NSD2: variants seen among roughly 807,000 people sequenced by gnomAD.
The protein encoded by NSD2 is histone-lysine N-methyltransferase NSD2.
In NSD2, 12 loss-of-function variants were observed where a neutral mutation model predicts 139.0. That is an observed-to-expected ratio of 0.09 (90% CI 0.06 to 0.14). NSD2 has a LOEUF of 0.14. Among genes scored for constraint, NSD2 ranks in the 10% least tolerant of loss-of-function variants. NSD2 has a pLI of 1.00. For missense variants in NSD2, 1,155 were observed against 1,745.0 expected (o/e 0.66, Z 6.02); for synonymous variants, 669 against 648.7 (o/e 1.03, Z -0.48).
At chr4:1,925,990 A>G (rs1720861287) in intron 5 of NSD2, among the ~76,000 whole-genome samples, 1 of 150,578 alleles carries the variant, frequency 6.6e-6, no homozygotes, top group African/African-American at 2.4e-5. Context: ...TTTTATAGGG[A>G]TGAGGTCTTG....
chr4:1,964,753 C>A (rs1725713641), intron 18 of NSD2, among the ~76,000 whole-genome samples: 1 of 152,034 alleles, frequency 6.6e-6, no homozygotes, highest in Non-Finnish European at 1.5e-5. Flanking sequence ...TTCTCTTTTT[C>A]CCCTTTTGGG....
At chr4:1,887,911 C>T (rs1004476006) in intron 1 of NSD2, among the ~76,000 whole-genome samples, 57 of 148,954 alleles carry the variant, frequency 3.8e-4, no homozygotes, top group African/African-American at 1.4e-3. Context: ...TCCTTTTTTT[C>T]TTTTTTTTTT....
rs1173566157 is a variant in NSD2 at position 1,918,580 on chromosome 4, C to T, written c.1367C>T (p.Ala456Val). The change falls in exon 5 of 22, where the codon GCA (alanine) becomes GTA (valine). Residue 456 changes from alanine to valine, a missense_variant. Coordinates refer to ENST00000508803, the MANE Select transcript of NSD2 (RefSeq NM_001042424.3). Reference sequence around the variant, plus strand: ...ATGCCACGAAGCAGGAAGGGAGATGCAGCATCCCAGTTTTTGGTCTTCTGT... The same window carrying T: ...ATGCCACGAAGCAGGAAGGGAGATGTAGCATCCCAGTTTTTGGTCTTCTGT... Reference protein sequence around the residue: ...VSMPRSRKGDAASQFLVFCQK... With the variant: ...VSMPRSRKGDVASQFLVFCQK... 6.2e-7 allele frequency: 1 copy of T among 1,613,878 alleles called. No individual in the cohort carries two copies. The highest frequency in any genetic ancestry group is 1.3e-5 in the African/African-American group (1 of 75,034).
At chr4:1,884,819 A>G (rs931489714) in intron 1 of NSD2, among the ~76,000 whole-genome samples, 2 of 151,932 alleles carry the variant, frequency 1.3e-5, no homozygotes, top group East Asian at 1.9e-4. Flanking sequence ...TTAAAATTCA[A>G]CTGCCTGGGC....
Position 1,955,621 on chromosome 4 carries a change from CTG to C in NSD2, c.2519-69_2519-68del. 2.0e-6 allele frequency: 3 copies of C among 1,501,060 alleles called. No individual in the cohort carries two copies. The East Asian group carries it at 7.3e-5, about 36-fold the overall frequency. The allele number at this position is 1,501,060 out of a possible 1,614,324, so 93.0% of individuals were successfully genotyped here. A position where few individuals can be genotyped will look rare whatever the true frequency, so the allele number is the denominator to read the frequency against. ...AAGTTAAGGCTGTAATAAGTGTAGACTGTGAAGCACTGAATCTGGGCTGAGCC... is the reference window on the plus strand; with the variant it reads ...AAGTTAAGGCTGTAATAAGTGTAGACTGAAGCACTGAATCTGGGCTGAGCC... On this transcript the variant is annotated intron_variant, in intron 13 of 21. Transcript: ENST00000508803. The surrounding 1 kb of genome is among the most constrained non-coding windows in gnomAD (Gnocchi z 4.7).
intron 2 of NSD2, 53 bp downstream of exon 2, chr4:1,901,304 GC>G: frequency 6.8e-7 from 1 of 1,467,810 alleles, no homozygotes; most frequent in Non-Finnish European, 9.1e-7. Flanking sequence ...AGTGAGCATG[GC>G]CACCCTATGA....
rs772470710 is a variant in NSD2 at position 1,961,074 on chromosome 4, G to A, written c.3295G>A (p.Glu1099Lys). The change falls in exon 18 of 22, where the codon GAG (glutamate) becomes AAG (lysine). Residue 1099 changes from glutamate (E) to lysine (K), a missense_variant. Around this residue, in one of 8 missense-constraint regions of NSD2, gnomAD observed 139 missense variants for 485.8 expected, o/e 0.29. Coordinates refer to ENST00000508803, the MANE Select transcript of NSD2 (RefSeq NM_001042424.3). Reference protein sequence around the residue: ...VNEYVGELIDEEECMARIKHA... With the variant: ...VNEYVGELIDKEECMARIKHA... ...CGAGTACGTTGGGGAGCTGATCGAC[G>A]AGGAGGAGTGCATGGCGAGAATCAA... 1 of 1,613,766 alleles carries A rather than the reference G, an allele frequency of 6.2e-7. No homozygotes were observed. The highest frequency in any genetic ancestry group is 8.5e-7 in the Non-Finnish European group (1 of 1,179,708).
chr4:1,957,041 G>GA (rs1273947501), intron 15 of NSD2, among the ~76,000 whole-genome samples: 1 of 152,174 alleles, frequency 6.6e-6, no homozygotes. Flanking sequence ...TGTTTGCTGC[G>GA]ACTGTCGGCA....
chr4:1,891,090 TG>T (rs1477533826), intron 1 of NSD2, among the ~76,000 whole-genome samples: 2 of 152,128 alleles, frequency 1.3e-5, no homozygotes, highest in Admixed American at 1.3e-4. Context: ...GACAGGATTT[TG>T]CCATGTTGTC....
rs969145722 is a variant in NSD2 at position 1,955,459 on chromosome 4, C to T, written c.2518+119C>T. The T allele has an allele frequency of 1.5e-6, 2 of 1,344,052 alleles. No homozygotes were observed. Among genetic ancestry groups the T allele is most frequent in the African/African-American group, 2.9e-5 (2 of 68,136 alleles). 83.3% of individuals were successfully genotyped at this position (1,344,052 alleles called of 1,614,324 possible). A position where few individuals can be genotyped will look rare whatever the true frequency, so the allele number is the denominator to read the frequency against. On this transcript the variant is annotated intron_variant, in intron 13 of 21. Transcript: ENST00000508803. This position sits in a 1 kb window ranked among gnomAD's most constrained non-coding sequence, Gnocchi z 4.7. ...TTGATGTTGACAGTGTTCTGTGCGTCTTCACGTTAATAGTATATCACAGTA... is the reference window on the plus strand; with the variant it reads ...TTGATGTTGACAGTGTTCTGTGCGTTTTCACGTTAATAGTATATCACAGTA...
chr4:1,875,280 CTTTT>C (rs749123768), intron 1 of NSD2, among the ~76,000 whole-genome samples: 6 of 126,588 alleles, frequency 4.7e-5, no homozygotes, highest in Non-Finnish European at 5.1e-5. Flanking sequence ...TAGCTTTTTA[CTTTT>C]TTTTTTTTTT....
chr4:1,940,331 C>G (rs1190200764), intron 9 of NSD2: 1 of 1,069,658 alleles, frequency 9.3e-7, no homozygotes, highest in Non-Finnish European at 1.1e-6. Context: ...TGAGTCAGAA[C>G]TACCATTGTA....
chr4:1,952,637 G>T (rs908910871), intron 11 of NSD2: 1 of 891,458 alleles, frequency 1.1e-6, no homozygotes, highest in Non-Finnish European at 1.4e-6. Flanking sequence ...TAGGAACATG[G>T]AGTTCTTTAT....
At chr4:1,894,535 G>A (rs1436230322) in intron 1 of NSD2, among the ~76,000 whole-genome samples, 1 of 152,016 alleles carries the variant, frequency 6.6e-6, no homozygotes, top group African/African-American at 2.4e-5. Flanking sequence ...TAGCCAGTGT[G>A]GTGGTGCATG....
chr4:1,882,834 C>G lies in NSD2; in HGVS notation c.-30+11292C>G, dbSNP rs534375606. Among the ~76,000 whole-genome samples, 6 of 152,266 alleles carry G rather than the reference C, an allele frequency of 3.9e-5. No individual in the cohort carries two copies. The South Asian group carries it at 1.0e-3, about 26-fold the overall frequency. On this transcript the variant is annotated intron_variant, in intron 1 of 21. Coordinates refer to ENST00000508803, the MANE Select transcript of NSD2 (RefSeq NM_001042424.3). ...GAAATGCACATTTTCATGTCTCAGA[C>G]CTACTGCATCATGAACTCTGGAGTG...
Position 1,978,746 on chromosome 4 carries a change from C to G in NSD2, c.3935C>G (p.Ala1312Gly). 2 of 1,614,160 alleles carry G rather than the reference C, an allele frequency of 1.2e-6. No homozygotes were observed. Among genetic ancestry groups the G allele is most frequent in the Non-Finnish European group, 1.7e-6 (2 of 1,180,004 alleles). Residue 1312 changes from alanine to glycine, a missense_variant, in exon 22 of 22, where the codon GCC becomes GGC. Physicochemically the swap from Ala to Gly is moderately conservative, Grantham distance 60 (BLOSUM62 0). This residue lies in a region of NSD2 where 132 missense variants were observed against 94.3 expected (regional missense o/e 1.40). Transcript: ENST00000508803. ...TGTAAGGAGCACCAGGACGGGACAG[C>G]CTTCAGCTGCACCCCGGACGGGCGG... ...SFCKEHQDGTAFSCTPDGRSY... is the reference protein window; with the variant it reads ...SFCKEHQDGTGFSCTPDGRSY...
chr4:1,962,722 G>A (rs1725493477), intron 18 of NSD2, among the ~76,000 whole-genome samples: 1 of 152,136 alleles, frequency 6.6e-6, no homozygotes, highest in Non-Finnish European at 1.5e-5. Flanking sequence ...CCAGGGTGGA[G>A]TGCAGTAGCA....
At chr4:1,884,174 C>T (rs934396801) in intron 1 of NSD2, among the ~76,000 whole-genome samples, 2 of 151,950 alleles carry the variant, frequency 1.3e-5, no homozygotes, top group Admixed American at 6.6e-5. Flanking sequence ...TGGCTCACTG[C>T]AACCTCTGCC....
intron 10 of NSD2, 75 bp downstream of exon 10, chr4:1,951,278 G>A (rs1724197271): frequency 3.8e-6 from 6 of 1,593,560 alleles, no homozygotes; most frequent in Non-Finnish European, 5.1e-6. Flanking sequence ...CGAATTTGTA[G>A]TGTCTTTTCC....
Sources: gnomAD v4.1 joint callset for allele counts (sites outside exome capture counted in the v4.1 genomes callset) on GRCh38, gnomAD v4.1.1 for gene constraint, gnomAD v4.1.1 regional missense constraint, Gnocchi (gnomAD v3.1) non-coding constraint, MANE v1.5 for transcripts, NCBI Gene and HGNC (gene_info 2026-07-23, HGNC 2026-07-21) for gene names.